The following MTMR2 variants were observed in gnomAD, a reference collection of about 807,000 sequenced individuals.
MTMR2 encodes myotubularin related protein 2.
MTMR2 carries 55 observed loss-of-function variants against 86.9 expected under a neutral mutation model. The ratio of observed to expected loss-of-function variants is 0.63; its 90% CI spans 0.51 to 0.79. MTMR2 has a LOEUF of 0.79. Among genes scored for constraint, MTMR2 ranks in the 30% least tolerant of loss-of-function variants. The pLI is 0.00. For synonymous variants in MTMR2, 241 were observed against 266.8 expected, an observed-to-expected ratio of 0.90 and a Z score of 0.94; for missense variants, 659 against 772.3, an observed-to-expected ratio of 0.85 and a Z score of 1.74.
chr11:95,896,680 C>A (rs1039526035), intron 1 of MTMR2, among the ~76,000 whole-genome samples: 1 of 151,928 alleles, frequency 6.6e-6, no homozygotes, highest in African/African-American at 2.4e-5. Flanking sequence ...CAGAGGCCAT[C>A]ACTAGAACAT....
chr11:95,835,203 G>T lies in MTMR2; in HGVS notation c.*87C>A. 1.5e-6 allele frequency: 2 copies of T among 1,328,902 alleles called. No homozygotes were observed. Among genetic ancestry groups the T allele is most frequent in the Non-Finnish European group, 2.1e-6 (2 of 931,206 alleles). The allele number at this position is 1,328,902 out of a possible 1,614,324, so 82.3% of individuals were successfully genotyped here. ...GTGACTGAACTTTCTCTCATAGATGGGTTCTAAATTCCGAAGACTTTCTAC... is the reference window on the plus strand; with the variant it reads ...GTGACTGAACTTTCTCTCATAGATGTGTTCTAAATTCCGAAGACTTTCTAC... On this transcript the variant is annotated 3_prime_UTR_variant, in exon 15 of 15. Transcript: ENST00000346299.
chr11:95,836,034 A>T, intron 14 of MTMR2, 114 bp downstream of exon 14: 1 of 1,040,556 alleles, frequency 9.6e-7, no homozygotes. Flanking sequence ...TTAACTATCA[A>T]TGGGTAAGGA....
At chr11:95,899,447 A>G (rs1865993503) in intron 1 of MTMR2, among the ~76,000 whole-genome samples, 1 of 152,098 alleles carries the variant, frequency 6.6e-6, no homozygotes, top group Non-Finnish European at 1.5e-5. Context: ...TTGATCATAT[A>G]TTTGTTCATT....
At chr11:95,890,467 A>G (rs1441757322) in intron 1 of MTMR2, among the ~76,000 whole-genome samples, 4 of 152,188 alleles carry the variant, frequency 2.6e-5, no homozygotes, top group Admixed American at 6.5e-5. Context: ...GAGCCACGTG[A>G]GTCAATTCCA....
At chr11:95,861,021 G>A (rs373781483) in intron 5 of MTMR2, among the ~76,000 whole-genome samples, 32 of 151,906 alleles carry the variant, frequency 2.1e-4, no homozygotes, top group South Asian at 6.2e-4. Context: ...TTAGCTGGGC[G>A]TGGTGGTGGG....
At chr11:95,871,525 C>A (rs1467666126) in intron 2 of MTMR2, among the ~76,000 whole-genome samples, 4 of 152,198 alleles carry the variant, frequency 2.6e-5, no homozygotes, top group African/African-American at 9.6e-5. Flanking sequence ...CTTTTGGCTG[C>A]ATAAATGTCT....
intron 1 of MTMR2, among the ~76,000 whole-genome samples, chr11:95,902,194 G>A (rs930355398): frequency 7.2e-5 from 11 of 152,110 alleles, no homozygotes; most frequent in African/African-American, 1.2e-4. Context: ...GTAAAATGGC[G>A]ATGGTATATC....
At chr11:95,884,520 G>T (rs968868842) in intron 2 of MTMR2, among the ~76,000 whole-genome samples, 1 of 152,156 alleles carries the variant, frequency 6.6e-6, no homozygotes, top group East Asian at 1.9e-4. Flanking sequence ...CTAAGCACAT[G>T]ATTTCATTCA....
intron 2 of MTMR2, among the ~76,000 whole-genome samples, chr11:95,880,360 C>A (rs1484838635): frequency 6.6e-6 from 1 of 151,890 alleles, no homozygotes; most frequent in African/African-American, 2.4e-5. Flanking sequence ...TAGAATATAC[C>A]ACAATTTATT....
chr11:95,861,157 A>G (rs1565358522), intron 5 of MTMR2, among the ~76,000 whole-genome samples: 2 of 151,640 alleles, frequency 1.3e-5, no homozygotes, highest in African/African-American at 2.4e-5. Flanking sequence ...CTCAAAAAAA[A>G]AAAAAAAGAA....
intron 2 of MTMR2, among the ~76,000 whole-genome samples, chr11:95,886,647 G>A (rs533179767): frequency 6.6e-6 from 1 of 152,240 alleles, no homozygotes; most frequent in South Asian, 2.1e-4. Context: ...CAGCAGGTAG[G>A]ATATAGGCAT....
At chr11:95,901,498 C>T (rs1402689532) in intron 1 of MTMR2, among the ~76,000 whole-genome samples, 1 of 152,108 alleles carries the variant, frequency 6.6e-6, no homozygotes, top group Non-Finnish European at 1.5e-5. Flanking sequence ...TAGTGAAACC[C>T]CATCCCTCCC....
At chr11:95,849,627 A>C (rs1863936772) in intron 9 of MTMR2, 47 bp downstream of exon 9, 1 of 1,562,370 alleles carries the variant, frequency 6.4e-7, no homozygotes, top group Non-Finnish European at 8.8e-7. Context: ...TGCCAAACTC[A>C]GCTGATTCAT....
At chr11:95,860,440 G>T (rs1470513122) in intron 5 of MTMR2, among the ~76,000 whole-genome samples, 1 of 152,148 alleles carries the variant, frequency 6.6e-6, no homozygotes, top group Non-Finnish European at 1.5e-5. Flanking sequence ...GGCAGAGGCT[G>T]CAGTAAGCCA....
intron 1 of MTMR2, 105 bp downstream of exon 1, chr11:95,923,770 G>T: frequency 6.7e-7 from 1 of 1,499,286 alleles, no homozygotes. Context: ...TTCCGGCGTA[G>T]CCTTCAGAAA....
rs1445830213 is a variant in MTMR2, at chr11:95,835,105, G to A, written c.*185C>T. The A allele has an allele frequency of 8.1e-6, 5 of 615,500 alleles. No homozygotes were observed. The highest frequency in any genetic ancestry group is 1.4e-5 in the Non-Finnish European group (5 of 345,728). 38.1% of individuals were successfully genotyped at this position (615,500 alleles called of 1,614,324 possible). A position where few individuals can be genotyped will look rare whatever the true frequency, so the allele number is the denominator to read the frequency against. Reference sequence around the variant, plus strand: ...GTATCATAATCATGTAATTACATATGGAGTTACTTCACTTAAGCCACCTGC... The same window carrying A: ...GTATCATAATCATGTAATTACATATAGAGTTACTTCACTTAAGCCACCTGC... On this transcript the variant is annotated 3_prime_UTR_variant, in exon 15 of 15. Coordinates refer to ENST00000346299, the MANE Select transcript of MTMR2 (RefSeq NM_016156.6).
At chr11:95,890,010 T>C (rs1591026686) in intron 1 of MTMR2, among the ~76,000 whole-genome samples, 1 of 152,184 alleles carries the variant, frequency 6.6e-6, no homozygotes, top group Admixed American at 6.5e-5. Context: ...TTAAAATGAA[T>C]CCCATTTATT....
At chr11:95,837,317 T>G (rs749372264) in intron 13 of MTMR2, among the ~76,000 whole-genome samples, 3 of 152,076 alleles carry the variant, frequency 2.0e-5, no homozygotes, top group Non-Finnish European at 4.4e-5. Context: ...TTACAGTAAG[T>G]GATAGATCCA....
intron 9 of MTMR2, among the ~76,000 whole-genome samples, chr11:95,848,834 C>T (rs368283884): frequency 1.3e-5 from 2 of 152,262 alleles, no homozygotes; most frequent in African/African-American, 4.8e-5. Context: ...ATAGAATTTA[C>T]AGTATTTCAA....
Sources: allele counts gnomAD v4.1 joint callset (sites outside exome capture counted in the v4.1 genomes callset), GRCh38; gene constraint gnomAD v4.1.1; transcripts MANE v1.5; gene names NCBI Gene and HGNC (gene_info 2026-07-23, HGNC 2026-07-21).